AFF3: variants seen among roughly 807,000 people sequenced by gnomAD.
AFF3 encodes ALF transcription elongation factor 3, also known as AF4/FMR2 family member 3.
A neutral mutation model predicts 129.7 loss-of-function variants in AFF3; 32 were observed. That is an observed-to-expected ratio of 0.25 (90% CI 0.19 to 0.33). The LOEUF is 0.33. AFF3 is among the 10% of genes least tolerant of loss of function. AFF3 has a pLI of 1.00. For synonymous variants in AFF3, 644 were observed against 635.4 expected (o/e 1.01, Z -0.20); for missense variants, 1,373 against 1,592.0 (o/e 0.86, Z 2.34).
intron 8 of AFF3, among the ~76,000 whole-genome samples, chr2:99,795,464 T>C (rs148218622): frequency 6.6e-6 from 1 of 152,228 alleles, no homozygotes; most frequent in Non-Finnish European, 1.5e-5. Flanking sequence ...ATTATTCAGA[T>C]GGTGGATACA....
At chr2:99,991,092 T>C (rs1680297174) in intron 7 of AFF3, among the ~76,000 whole-genome samples, 1 of 152,126 alleles carries the variant, frequency 6.6e-6, no homozygotes, top group South Asian at 2.1e-4. Flanking sequence ...ACCATGCTGC[T>C]CACCTGCCCC....
In AFF3 at chr2:100,076,661, T is replaced by C. The variant is rs535616942; in HGVS notation, c.53+27741A>G. ...AGCTGATAAAACTGCCTCCCCAACATGTAGTTCTTTTTCCATTTTCTCCCC... is the reference window on the plus strand; with the variant it reads ...AGCTGATAAAACTGCCTCCCCAACACGTAGTTCTTTTTCCATTTTCTCCCC... On this transcript the variant is annotated intron_variant, in intron 4 of 24. Coordinates refer to ENST00000672756, the MANE Select transcript of AFF3 (RefSeq NM_001386135.1). Among the ~76,000 whole-genome samples, 28 of 152,280 alleles carry C rather than the reference T, an allele frequency of 1.8e-4. No individual in the cohort carries two copies. The East Asian group carries it at 4.1e-3, about 22-fold the overall frequency.
intron 7 of AFF3, among the ~76,000 whole-genome samples, chr2:99,944,880 T>C (rs1675406705): frequency 6.6e-6 from 1 of 152,206 alleles, no homozygotes; most frequent in South Asian, 2.1e-4. Context: ...AGAGAAAATA[T>C]ATGAACCATA....
chr2:100,033,812 A>T (rs1239732376), intron 4 of AFF3, among the ~76,000 whole-genome samples: 1 of 152,098 alleles, frequency 6.6e-6, no homozygotes, highest in Non-Finnish European at 1.5e-5. Context: ...CTTTATAAGA[A>T]CCTCTGCAAC....
chr2:99,948,860 A>T (rs563122225), intron 7 of AFF3, among the ~76,000 whole-genome samples: 2 of 152,358 alleles, frequency 1.3e-5, no homozygotes, highest in East Asian at 3.9e-4. Flanking sequence ...AATTACAGCA[A>T]TATGAATACT....
At chr2:99,827,962 G>T (rs1441217635) in intron 8 of AFF3, among the ~76,000 whole-genome samples, 1 of 152,062 alleles carries the variant, frequency 6.6e-6, no homozygotes, top group Non-Finnish European at 1.5e-5. Context: ...GTCTGCGGAG[G>T]GTGACGAGGA....
intron 17 of AFF3, among the ~76,000 whole-genome samples, chr2:99,581,729 T>G (rs933506522): frequency 6.6e-6 from 1 of 151,428 alleles, no homozygotes; most frequent in Non-Finnish European, 1.5e-5. Context: ...AGGGGAGGGT[T>G]TGGAAGTAAC....
chr2:100,070,078 T>C (rs1688049537), intron 4 of AFF3, among the ~76,000 whole-genome samples: 1 of 152,130 alleles, frequency 6.6e-6, no homozygotes, highest in East Asian at 1.9e-4. Flanking sequence ...TTAGGGTGAG[T>C]GTTAAGATAC....
At chr2:100,035,297 T>C (rs1436846965) in intron 4 of AFF3, among the ~76,000 whole-genome samples, 1 of 152,240 alleles carries the variant, frequency 6.6e-6, no homozygotes, top group African/African-American at 2.4e-5. Flanking sequence ...AGCCTTTTAT[T>C]ATGCTAAAGA....
chr2:99,671,598 T>G (rs566824882), intron 12 of AFF3, among the ~76,000 whole-genome samples: 2 of 152,204 alleles, frequency 1.3e-5, no homozygotes, highest in Admixed American at 1.3e-4. Context: ...CAGCAAATCA[T>G]CTGCATAGCA....
chr2:99,793,054 C>A (rs1016492826), intron 8 of AFF3, among the ~76,000 whole-genome samples: 2 of 152,154 alleles, frequency 1.3e-5, no homozygotes, highest in Non-Finnish European at 2.9e-5. Flanking sequence ...AATGCGATGA[C>A]CCCTGGTGTT....
intron 4 of AFF3, among the ~76,000 whole-genome samples, chr2:100,071,702 C>T (rs1486189050): frequency 6.6e-6 from 1 of 152,112 alleles, no homozygotes; most frequent in East Asian, 1.9e-4. Context: ...AGGGGTACCC[C>T]TAAAAATTCT....
At chr2:99,580,234 C>CAT (rs938832773) in intron 17 of AFF3, among the ~76,000 whole-genome samples, 20 of 152,100 alleles carry the variant, frequency 1.3e-4, no homozygotes, top group Non-Finnish European at 2.9e-5. Context: ...TTAGAGATCT[C>CAT]GCATCAGGGG....
intron 13 of AFF3, among the ~76,000 whole-genome samples, chr2:99,611,095 T>C (rs1680875366): frequency 1.3e-5 from 2 of 152,224 alleles, no homozygotes; most frequent in African/African-American, 4.8e-5. Flanking sequence ...GCTCATCCAT[T>C]GAGTTTTTCA....
intron 4 of AFF3, among the ~76,000 whole-genome samples, chr2:100,051,209 A>G (rs1403750909): frequency 6.6e-6 from 1 of 152,028 alleles, no homozygotes. Flanking sequence ...TTAAATGCGC[A>G]CCCACTCCCA....
chr2:99,560,233 TG>T, intron 21 of AFF3, 131 bp downstream of exon 21: 1 of 922,936 alleles, frequency 1.1e-6, no homozygotes, highest in Non-Finnish European at 1.7e-6. Flanking sequence ...GGACTTTCCC[TG>T]GTCATTAGAA....
At chr2:99,614,471 G>A (rs377510761) in intron 13 of AFF3, among the ~76,000 whole-genome samples, 13 of 152,188 alleles carry the variant, frequency 8.5e-5, no homozygotes, top group African/African-American at 2.9e-4. Context: ...TTTAAGAACA[G>A]TGTTGAGACA....
chr2:100,107,455 T>A, intron 2 of AFF3: 1 of 985,300 alleles, frequency 1.0e-6, no homozygotes, highest in Non-Finnish European at 1.2e-6. Context: ...AAGGGAACTT[T>A]TTTATGTAAA....
intron 4 of AFF3, among the ~76,000 whole-genome samples, chr2:100,103,861 T>A (rs2666309): frequency 6.6e-6 from 1 of 150,488 alleles, no homozygotes; most frequent in Non-Finnish European, 1.5e-5. Flanking sequence ...ACTCGTTTCC[T>A]GCCCTGGATG....
Sources: allele counts gnomAD v4.1 joint callset (sites outside exome capture counted in the v4.1 genomes callset), GRCh38; gene constraint gnomAD v4.1.1; transcripts MANE v1.5; gene names NCBI Gene and HGNC (gene_info 2026-07-23, HGNC 2026-07-21).